PSMD11: variants seen among roughly 807,000 people sequenced by gnomAD.
PSMD11 encodes the protein 26S proteasome non-ATPase regulatory subunit 11.
A neutral mutation model predicts 62.3 loss-of-function variants in PSMD11; 5 were observed. The ratio of observed to expected loss-of-function variants is 0.08; its 90% CI spans 0.04 to 0.17. The LOEUF (loss-of-function observed/expected upper bound fraction) is 0.17, where lower values mean the gene tolerates loss of function less well. PSMD11 is among the 10% of genes least tolerant of loss of function. The probability of loss-of-function intolerance (pLI) is 1.00; values close to 1 mark genes in which losing one functional copy is unlikely to be tolerated. For missense variants in PSMD11, 310 were observed against 512.9 expected, an observed-to-expected ratio of 0.60 and a Z score of 3.82; for synonymous variants, 191 against 191.8, an observed-to-expected ratio of 1.00 and a Z score of 0.03.
At chr17:32,453,204 A>G (rs1160354658) in intron 2 of PSMD11, among the ~76,000 whole-genome samples, 2 of 152,208 alleles carry the variant, frequency 1.3e-5, no homozygotes, top group African/African-American at 4.8e-5. Context: ...TATAATTGAA[A>G]TAAATGCAAA....
chr17:32,479,355 T>G lies in PSMD11; in HGVS notation c.1017T>G (p.Ile339Met). ...TAGAACAGAATCTGATCCGAGTCAT[T>G]GAGCCTTTTTCCAGAGTACAGGTGA... The part of the protein sequence containing the change: ...NLLEQNLIRV[I>M]EPFSRVQIEH... Residue 339 changes from isoleucine (I) to methionine (M), a missense_variant, in exon 10 of 14, where the codon ATT (isoleucine) becomes ATG (methionine). Ile to Met is a conservative substitution (Grantham distance 10). Transcript: ENST00000261712. 1.9e-6 allele frequency: 3 copies of G among 1,614,136 alleles called. No homozygotes were observed. Among genetic ancestry groups the G allele is most frequent in the Non-Finnish European group, 2.5e-6 (3 of 1,180,010 alleles).
chr17:32,454,698 A>T, intron 3 of PSMD11, 79 bp downstream of exon 3: 2 of 1,482,808 alleles, frequency 1.3e-6, no homozygotes, highest in Non-Finnish European at 1.8e-6. Context: ...CCTGCACTTT[A>T]GTACTAATGT....
chr17:32,472,833 G>A (rs1467519904), intron 6 of PSMD11, among the ~76,000 whole-genome samples: 2 of 147,654 alleles, frequency 1.4e-5, no homozygotes, highest in African/African-American at 5.1e-5. Context: ...CACCATGCCC[G>A]GCCTTTTTCT....
chr17:32,444,531 C>T lies in PSMD11; in HGVS notation c.8C>T (p.Ala3Val), dbSNP rs746642623. MA[A>V]AAVVEFQRAQ... is the part of the protein sequence containing the mutation. ...CGGTGTGAGAGCGGTAAGATGGCGG[C>T]GGCGGCGGTGGTGGAGTTCCAGAGA... Residue 3 changes from alanine (A) to valine (V), a missense_variant, in exon 1 of 14, where the codon GCG becomes GTG. Ala to Val is a moderately conservative substitution (Grantham distance 64). Coordinates refer to ENST00000261712, the MANE Select transcript of PSMD11 (RefSeq NM_002815.4). The T allele has an allele frequency of 1.9e-6, 3 of 1,599,130 alleles. No homozygotes were observed. Among genetic ancestry groups the T allele is most frequent in the African/African-American group, 1.3e-5 (1 of 74,528 alleles).
At chr17:32,452,213 C>G (rs945129650) in intron 2 of PSMD11, among the ~76,000 whole-genome samples, 3 of 152,206 alleles carry the variant, frequency 2.0e-5, no homozygotes, top group Non-Finnish European at 4.4e-5. Context: ...AAAAAATTTA[C>G]TATCTGGCTC....
rs1474477743 is a variant in PSMD11 at position 32,481,783 on chromosome 17, A to C, written c.*1031A>C. On this transcript the variant is annotated 3_prime_UTR_variant, in exon 14 of 14. Transcript: ENST00000261712. Reference sequence around the variant, plus strand: ...TTTTAAACAATGAACATCGGAAATGAGACTGTGGGGTGTGGTTTCTCTCTC... The same window carrying C: ...TTTTAAACAATGAACATCGGAAATGCGACTGTGGGGTGTGGTTTCTCTCTC... 1 of 151,946 alleles carries C rather than the reference A, an allele frequency of 6.6e-6. No homozygotes were observed. The highest frequency in any genetic ancestry group is 1.5e-5 in the Non-Finnish European group (1 of 68,000). The allele number at this position is 151,946 out of a possible 1,614,324, so 9.4% of individuals were successfully genotyped here. A position where few individuals can be genotyped will look rare whatever the true frequency, so the allele number is the denominator to read the frequency against.
intron 1 of PSMD11, chr17:32,444,961 C>A: frequency 2.6e-6 from 1 of 385,036 alleles, no homozygotes; most frequent in Non-Finnish European, 4.7e-6. Context: ...GCAGTGCCGG[C>A]CGGCGTGCTT....
At chr17:32,476,607 AG>A (rs1908329236) in intron 8 of PSMD11, 1 of 152,208 alleles carries the variant, frequency 6.6e-6, no homozygotes, top group Non-Finnish European at 1.5e-5. Context: ...AGCAGGAGAT[AG>A]GCTAATCTCC....
Position 32,469,189 on chromosome 17 carries a change from G to A in PSMD11, c.639G>A (p.Gln213=). 1 of 1,613,036 alleles carries A rather than the reference G, an allele frequency of 6.2e-7. No homozygotes were observed. Among genetic ancestry groups the A allele is most frequent in the Non-Finnish European group, 8.5e-7 (1 of 1,179,422 alleles). ...PPKLQATLDM[Q]SGIIHAAEEK... is the part of the protein sequence containing the mutation. ...AATTGCAGGCCACCTTGGACATGCA[G>A]TCGGGTAACAGACGTAGCTATTCCT... Residue 213 remains glutamine, a synonymous_variant, in exon 6 of 14, where the codon CAG becomes CAA. Transcript: ENST00000261712.
intron 9 of PSMD11, chr17:32,477,797 A>G (rs1908373828): frequency 2.8e-6 from 1 of 355,920 alleles, no homozygotes; most frequent in Non-Finnish European, 5.0e-6. Flanking sequence ...TTATTTATAC[A>G]TAATACCTTT....
intron 6 of PSMD11, among the ~76,000 whole-genome samples, chr17:32,473,397 C>T (rs1908228607): frequency 6.6e-6 from 1 of 151,956 alleles, no homozygotes; most frequent in South Asian, 2.1e-4. Context: ...CTTCCTCAGC[C>T]TCCCGAGTAG....
rs1388157583 is a variant in PSMD11 at position 32,474,843 on chromosome 17, G to C, written c.849+19G>C. 1 of 1,608,304 alleles carries C rather than the reference G, an allele frequency of 6.2e-7. No homozygotes were observed. The highest frequency in any genetic ancestry group is 8.5e-7 in the Non-Finnish European group (1 of 1,174,844). On this transcript the variant is annotated intron_variant, in intron 8 of 13. Transcript: ENST00000261712. ...GAGGCAGGTAGGGACTCCCTTGACT[G>C]CAGTTCTGCTCACTCTGAGACCAGC... is the stretch of plus-strand genomic sequence containing the variant.
intron 2 of PSMD11, among the ~76,000 whole-genome samples, chr17:32,451,927 G>A (rs118092144): frequency 0.4 from 60,210 of 151,768 alleles, 12,883 homozygotes; most frequent in Non-Finnish European, 0.47. Context: ...AGGGGGTTTC[G>A]CCATATTGCC....
Position 32,461,120 on chromosome 17 carries a change from C to T in PSMD11, c.319-2929C>T, listed in dbSNP as rs146483566. On this transcript the variant is annotated intron_variant, in intron 3 of 13. Coordinates refer to ENST00000261712, the MANE Select transcript of PSMD11 (RefSeq NM_002815.4). ...TGAGACGGAGTCTCGCACCGTCGCC[C>T]GGGCTGGAGTGCAATGGCATGATCT... is the stretch of plus-strand genomic sequence containing the variant. Among the ~76,000 whole-genome samples, 607 of 152,072 alleles carry T rather than the reference C, an allele frequency of 4.0e-3. 5 individuals are homozygous for T. The highest frequency in any genetic ancestry group is 0.013 in the African/African-American group (556 of 41,526).
At chr17:32,476,745 A>G (rs1344949075) in intron 8 of PSMD11, 1 of 152,134 alleles carries the variant, frequency 6.6e-6, no homozygotes, top group African/African-American at 2.4e-5. Context: ...GTGGGGTCTT[A>G]ACATTTGGTG....
At chr17:32,479,493 C>A (rs1908427917) in intron 10 of PSMD11, 117 bp downstream of exon 10, 2 of 1,384,816 alleles carry the variant, frequency 1.4e-6, no homozygotes, top group East Asian at 4.6e-5. Context: ...GGGCAAGAGG[C>A]CACCAAGAGC....
At chr17:32,480,242 G>GAA in intron 12 of PSMD11, 45 bp downstream of exon 12, 16 of 1,582,222 alleles carry the variant, frequency 1.0e-5, no homozygotes, top group Non-Finnish European at 1.3e-5. Context: ...GTGGTGATGA[G>GAA]ATGGTTGAAG....
chr17:32,472,478 C>T (rs1031899903), intron 6 of PSMD11, among the ~76,000 whole-genome samples: 3 of 151,550 alleles, frequency 2.0e-5, no homozygotes. Context: ...GCTGCCTTGG[C>T]CTCCCAAAGT....
chr17:32,455,278 A>AG (rs960437672), intron 3 of PSMD11, among the ~76,000 whole-genome samples: 6 of 152,364 alleles, frequency 3.9e-5, no homozygotes, highest in Admixed American at 2.6e-4. Context: ...GTTTGTAGGA[A>AG]GAATATAGTT....
Sources: allele counts gnomAD v4.1 joint callset (sites outside exome capture counted in the v4.1 genomes callset), GRCh38; gene constraint gnomAD v4.1.1; transcripts MANE v1.5; gene names NCBI Gene and HGNC (gene_info 2026-07-23, HGNC 2026-07-21).